The following DGCR2 variants were observed in gnomAD, a reference collection of about 807,000 sequenced individuals.
DGCR2 encodes the protein DiGeorge syndrome critical region gene 2, also known as integral membrane protein DGCR2/IDD.
Under a neutral mutation model 51.6 loss-of-function variants are expected in DGCR2, and 24 were observed. That is an observed-to-expected ratio of 0.47 (90% CI 0.34 to 0.65). The LOEUF (loss-of-function observed/expected upper bound fraction) is 0.65. Ranked by LOEUF, DGCR2 falls within the 30% of genes least tolerant of loss-of-function variation. The pLI is 0.01. For synonymous variants in DGCR2, 340 were observed against 315.4 expected, an observed-to-expected ratio of 1.08 and a Z score of -0.82; for missense variants, 765 against 772.1, an observed-to-expected ratio of 0.99 and a Z score of 0.11.
chr22:19,062,157 A>G (rs2082670543), intron 5 of DGCR2, among the ~76,000 whole-genome samples: 1 of 152,232 alleles, frequency 6.6e-6, no homozygotes, highest in Non-Finnish European at 1.5e-5. Context: ...ATTAGTCAAT[A>G]GCAATCTAAA....
Position 19,038,583 on chromosome 22 carries a change from C to A in DGCR2, c.*282G>T, listed in dbSNP as rs1004691921. 4.0e-6 allele frequency: 2 copies of A among 499,100 alleles called. No individual in the cohort carries two copies. 30.9% of individuals were successfully genotyped at this position (499,100 alleles called of 1,614,324 possible). ...CTTCATTCCCTGCCTCTAACATGTG[C>A]GGTCTGAATGAATTTTGTCACTCTT... On this transcript the variant is annotated 3_prime_UTR_variant, in exon 10 of 10. Coordinates refer to ENST00000263196, the MANE Select transcript of DGCR2 (RefSeq NM_005137.3).
intron 4 of DGCR2, among the ~76,000 whole-genome samples, chr22:19,063,850 G>A (rs2082716792): frequency 6.6e-6 from 1 of 152,120 alleles, no homozygotes; most frequent in African/African-American, 2.4e-5. Flanking sequence ...ATACAACTCG[G>A]TGACTATGCT....
chr22:19,043,038 G>A (rs1431691688), intron 7 of DGCR2, among the ~76,000 whole-genome samples: 1 of 152,164 alleles, frequency 6.6e-6, no homozygotes. Flanking sequence ...CGCACCAAGC[G>A]CAGGTGTAGG....
rs1450292396 is a variant in DGCR2, at chr22:19,057,228, A to G, written c.626-66T>C. ...CAGAGGACAAGCTGTGCAGTCCTCAAGGGGACCATGGCGTCAGACAGGATC... is the reference window on the plus strand; with the variant it reads ...CAGAGGACAAGCTGTGCAGTCCTCAGGGGGACCATGGCGTCAGACAGGATC... On this transcript the variant is annotated intron_variant, in intron 5 of 9. Transcript: ENST00000263196. The surrounding 1 kb of genome is among the most constrained non-coding windows in gnomAD (Gnocchi z 5.1). 129 of 1,457,774 alleles carry G rather than the reference A, an allele frequency of 8.8e-5. No homozygotes were observed. The highest frequency in any genetic ancestry group is 2.8e-6 in the Non-Finnish European group (3 of 1,084,770). 90.3% of individuals were successfully genotyped at this position (1,457,774 alleles called of 1,614,324 possible). A position where few individuals can be genotyped will look rare whatever the true frequency, so the allele number is the denominator to read the frequency against.
intron 2 of DGCR2, among the ~76,000 whole-genome samples, chr22:19,087,133 T>A (rs2075929684): frequency 6.6e-6 from 1 of 152,152 alleles, no homozygotes; most frequent in Admixed American, 6.5e-5. Flanking sequence ...AACCACATGG[T>A]CGTCCCCAGG....
chr22:19,043,320 C>T (rs2082453708), intron 7 of DGCR2, among the ~76,000 whole-genome samples: 1 of 152,244 alleles, frequency 6.6e-6, no homozygotes. Flanking sequence ...ATGTCAACAC[C>T]GCCAAGAGGG....
intron 6 of DGCR2, among the ~76,000 whole-genome samples, chr22:19,049,647 C>T (rs1222888700): frequency 2.0e-5 from 3 of 151,950 alleles, no homozygotes; most frequent in Non-Finnish European, 4.4e-5. Context: ...GCCAACATGG[C>T]AAAACCCTGT....
At chr22:19,066,397 C>A (rs181221062) in intron 3 of DGCR2, among the ~76,000 whole-genome samples, 2 of 151,988 alleles carry the variant, frequency 1.3e-5, no homozygotes, top group East Asian at 1.9e-4. Context: ...CAGAGTGAGA[C>A]CCTGTCTGAA....
intron 1 of DGCR2, among the ~76,000 whole-genome samples, chr22:19,103,051 TACC>T (rs1325241464): frequency 6.6e-6 from 1 of 152,152 alleles, no homozygotes; most frequent in Non-Finnish European, 1.5e-5. Flanking sequence ...ACATATATCT[TACC>T]ACAATTTAAA....
At position 19,113,371 on chromosome 22, in the gene DGCR2, A is replaced by G. The variant is rs192006210; in HGVS notation, c.79+8757T>C. On this transcript the variant is annotated intron_variant, in intron 1 of 9. Coordinates refer to ENST00000263196, the MANE Select transcript of DGCR2 (RefSeq NM_005137.3). Reference sequence around the variant, plus strand: ...GCAACAGAGCGAGACTCCGTCTCAAAAAAATAAAAATAAAAAAAAAAAAAT... The same window carrying G: ...GCAACAGAGCGAGACTCCGTCTCAAGAAAATAAAAATAAAAAAAAAAAAAT... Among the ~76,000 whole-genome samples the G allele has an allele frequency of 9.5e-5, 12 of 125,692 alleles. No individual in the cohort carries two copies. The East Asian group carries it at 2.5e-3, about 26-fold the overall frequency. 82.5% of individuals were successfully genotyped at this position (125,692 alleles called of 152,430 possible).
chr22:19,060,017 C>A (rs2082643558), intron 5 of DGCR2, among the ~76,000 whole-genome samples: 1 of 152,208 alleles, frequency 6.6e-6, no homozygotes, highest in Non-Finnish European at 1.5e-5. Flanking sequence ...TCGGGCCCAC[C>A]AGGGGCTGTC....
chr22:19,105,574 G>A (rs900132761), intron 1 of DGCR2, among the ~76,000 whole-genome samples: 6 of 152,182 alleles, frequency 3.9e-5, no homozygotes, highest in African/African-American at 9.7e-5. Context: ...AGCGATGCAC[G>A]CTCTGGAAGG....
chr22:19,097,089 A>G (rs1443934552), intron 1 of DGCR2, among the ~76,000 whole-genome samples: 4 of 152,032 alleles, frequency 2.6e-5, no homozygotes, highest in Non-Finnish European at 4.4e-5. Context: ...CCATACCCCT[A>G]TATCCTCCAA....
In DGCR2 at chr22:19,122,272, G is replaced by A. The variant is rs1403246983; in HGVS notation, c.-66C>T. ...GACCAGGCCGGACTGAGGGTCAGGG[G>A]ACCGTGCCAAGCGGAGGGTCAGGCG... On this transcript the variant is annotated 5_prime_UTR_variant, in exon 1 of 10. Coordinates refer to ENST00000263196, the MANE Select transcript of DGCR2 (RefSeq NM_005137.3). 11 of 1,327,568 alleles carry A rather than the reference G, an allele frequency of 8.3e-6. No homozygotes were observed. The highest frequency in any genetic ancestry group is 9.1e-6 in the Non-Finnish European group (9 of 992,882). 82.2% of individuals were successfully genotyped at this position (1,327,568 alleles called of 1,614,324 possible).
At chr22:19,049,440 A>C (rs565527704) in intron 6 of DGCR2, among the ~76,000 whole-genome samples, 1 of 152,254 alleles carries the variant, frequency 6.6e-6, no homozygotes, top group South Asian at 2.1e-4. Context: ...AAGAGACATG[A>C]GAAGGTAGCT....
chr22:19,050,193 C>G (rs2082534398), intron 6 of DGCR2, among the ~76,000 whole-genome samples: 1 of 152,114 alleles, frequency 6.6e-6, no homozygotes, highest in Non-Finnish European at 1.5e-5. Flanking sequence ...AGTGAAAATG[C>G]TGAAAGTGAA....
intron 6 of DGCR2, among the ~76,000 whole-genome samples, chr22:19,049,915 T>C (rs1221044860): frequency 1.3e-5 from 2 of 151,154 alleles, no homozygotes; most frequent in Non-Finnish European, 2.9e-5. Flanking sequence ...ATACAATTAT[T>C]CCCTGGCTAA....
At chr22:19,095,653 T>C (rs1357964752) in intron 1 of DGCR2, among the ~76,000 whole-genome samples, 3 of 140,318 alleles carry the variant, frequency 2.1e-5, no homozygotes, top group Non-Finnish European at 4.5e-5. Context: ...AGCGCAAGAC[T>C]CCGTCTCAAA....
intron 3 of DGCR2, 43 bp downstream of exon 3, chr22:19,068,057 T>C (rs1368618965): frequency 6.6e-7 from 1 of 1,510,270 alleles, no homozygotes; most frequent in Non-Finnish European, 8.8e-7. Context: ...CATGTCAGGC[T>C]TGCACTCCCC....
Sources: allele counts gnomAD v4.1 joint callset (sites outside exome capture counted in the v4.1 genomes callset), GRCh38; gene constraint gnomAD v4.1.1; non-coding constraint Gnocchi (gnomAD v3.1); transcripts MANE v1.5; gene names NCBI Gene and HGNC (gene_info 2026-07-23, HGNC 2026-07-21).